Variants in REXO1 observed in about 807,000 individuals in gnomAD.
The protein encoded by REXO1 is RNA exonuclease 1 homolog.
A neutral mutation model predicts 102.6 loss-of-function variants in REXO1; 42 were observed. The observed-to-expected ratio is 0.41, with a 90% CI of 0.32 to 0.53. REXO1 has a LOEUF of 0.53. Among genes scored for constraint, REXO1 ranks in the 20% least tolerant of loss-of-function variants. The probability of loss-of-function intolerance (pLI) is 0.27; values close to 1 mark genes in which losing one functional copy is unlikely to be tolerated. For synonymous variants in REXO1, 908 were observed against 779.1 expected (o/e 1.17, Z -2.76); for missense variants, 1,819 against 1,732.5 (o/e 1.05, Z -0.89).
In REXO1 at chr19:1,827,601, C is replaced by T. The variant is rs868222259; in HGVS notation, c.1188G>A (p.Lys396=). Residue 396 remains lysine (K), a synonymous_variant, in exon 2 of 16, where the codon AAG becomes AAA. Transcript: ENST00000170168. ...APSCKDGAQG[K]DKTKDKGRGR... ...CTCGGCCCTTGTCCTTGGTCTTGTC[C>T]TTCCCCTGGGCCCCGTCTTTGCAGC... 1.9e-6 allele frequency: 3 copies of T among 1,587,158 alleles called. No individual in the cohort carries two copies. The highest frequency in any genetic ancestry group is 1.1e-5 in the South Asian group (1 of 87,668).
rs927762609 is a variant in REXO1, at chr19:1,817,889, G to A, written c.3017-109C>T. ...GCCCTACTAGGGAGTGAGGACTGAGGACAGGAGGCCTCAGCCTCTTGGTGG... is the reference window on the plus strand; with the variant it reads ...GCCCTACTAGGGAGTGAGGACTGAGAACAGGAGGCCTCAGCCTCTTGGTGG... On this transcript the variant is annotated intron_variant, in intron 10 of 15. Coordinates refer to ENST00000170168, the MANE Select transcript of REXO1 (RefSeq NM_020695.4). 8.4e-6 allele frequency: 7 copies of A among 834,204 alleles called. No homozygotes were observed. The African/African-American group carries it at 1.2e-4, about 14-fold the overall frequency. 51.7% of individuals were successfully genotyped at this position (834,204 alleles called of 1,614,324 possible).
intron 1 of REXO1, among the ~76,000 whole-genome samples, 191 bp downstream of exon 1, chr19:1,848,011 G>A (rs1234696101): frequency 6.6e-6 from 1 of 152,242 alleles, no homozygotes; most frequent in Non-Finnish European, 1.5e-5. Flanking sequence ...TGAAGACGAA[G>A]GCTTAGGGAC....
chr19:1,820,231 C>G (rs373390368), intron 6 of REXO1, 33 bp downstream of exon 6: 3 of 1,598,030 alleles, frequency 1.9e-6, no homozygotes, highest in Non-Finnish European at 2.6e-6. Flanking sequence ...TAGTCCCCAC[C>G]CGACCGGCCA....
chr19:1,843,965 G>T (rs548701249), intron 1 of REXO1, among the ~76,000 whole-genome samples: 1 of 152,222 alleles, frequency 6.6e-6, no homozygotes, highest in Non-Finnish European at 1.5e-5. Flanking sequence ...CTCCCTTCTC[G>T]CCTGACTCGG....
Position 1,827,354 on chromosome 19 carries a change from G to A in REXO1, c.1435C>T (p.Leu479=). The A allele has an allele frequency of 6.5e-7, 1 of 1,547,816 alleles. No homozygotes were observed. Residue 479 remains leucine, a synonymous_variant, in exon 2 of 16, where the codon CTG becomes TTG. Transcript: ENST00000170168. ...AGRGPPRPLQ[L]PDRKSTKAPS... ...GCCTTGGTGCTCTTCCTGTCGGGCAGCTGGAGGGGGCGGGGTGGGCCTCTG... is the reference window on the plus strand; with the variant it reads ...GCCTTGGTGCTCTTCCTGTCGGGCAACTGGAGGGGGCGGGGTGGGCCTCTG...
chr19:1,822,678 C>T (rs530404821), intron 4 of REXO1: 8 of 152,490 alleles, frequency 5.2e-5, no homozygotes, highest in African/African-American at 1.4e-4. Flanking sequence ...ATGATTTCCC[C>T]TCCCTGGGGC....
intron 10 of REXO1, among the ~76,000 whole-genome samples, chr19:1,818,019 C>T (rs2069422016): frequency 6.6e-6 from 1 of 152,218 alleles, no homozygotes; most frequent in Non-Finnish European, 1.5e-5. Flanking sequence ...GCAGCGCTGC[C>T]CCGGGCAGCA....
intron 4 of REXO1, chr19:1,822,942 C>G (rs1032463158): frequency 6.6e-6 from 1 of 152,520 alleles, no homozygotes; most frequent in African/African-American, 2.4e-5. Flanking sequence ...AGACCAGAAC[C>G]TGCATTTTTT....
At chr19:1,845,305 G>T (rs1463655147) in intron 1 of REXO1, among the ~76,000 whole-genome samples, 1 of 152,182 alleles carries the variant, frequency 6.6e-6, no homozygotes, top group African/African-American at 2.4e-5. Flanking sequence ...GGGCTACACG[G>T]TGCCCGCCGT....
chr19:1,823,511 C>CT, intron 4 of REXO1, 61 bp downstream of exon 4: 2 of 1,184,272 alleles, frequency 1.7e-6, no homozygotes, highest in Non-Finnish European at 2.2e-6. Flanking sequence ...CCTCAGGGTG[C>CT]CACCTCTCCT....
In REXO1 at chr19:1,816,629, G is replaced by T. The variant is rs892840685; in HGVS notation, c.3318-60C>A. 2.5e-6 allele frequency: 4 copies of T among 1,585,292 alleles called. No individual in the cohort carries two copies. The East Asian group carries it at 6.8e-5, about 27-fold the overall frequency. ...GCCTGGAAGCACTGGCTGGTGGGGC[G>T]GGGGAGGGTGGGTCCCTGGGGAGAG... On this transcript the variant is annotated intron_variant, in intron 13 of 15. Coordinates refer to ENST00000170168, the MANE Select transcript of REXO1 (RefSeq NM_020695.4).
At position 1,815,863 on chromosome 19, in the gene REXO1, G is replaced by A. The variant is rs775767836; in HGVS notation, c.*203C>T. 24 of 1,523,786 alleles carry A rather than the reference G, an allele frequency of 1.6e-5. 2 individuals are homozygous for A. The South Asian group carries it at 2.7e-4, about 17-fold the overall frequency. 94.4% of individuals were successfully genotyped at this position (1,523,786 alleles called of 1,614,324 possible). A position where few individuals can be genotyped will look rare whatever the true frequency, so the allele number is the denominator to read the frequency against. On this transcript the variant is annotated 3_prime_UTR_variant, in exon 16 of 16. Coordinates refer to ENST00000170168, the MANE Select transcript of REXO1 (RefSeq NM_020695.4). This position sits in a 1 kb window ranked among gnomAD's most constrained non-coding sequence, Gnocchi z 4.0. ...ACGCCAGAGGGCTGGGGGGCAGAGG[G>A]TGGGGACCGGCGGAGGGGTGCGGCA... is the stretch of plus-strand genomic sequence containing the variant.
chr19:1,823,643 G>A lies in REXO1; in HGVS notation c.2159C>T (p.Pro720Leu). 7.7e-7 allele frequency: 1 copy of A among 1,305,588 alleles called. No individual in the cohort carries two copies. Among genetic ancestry groups the A allele is most frequent in the East Asian group, 2.9e-5 (1 of 34,236 alleles). 80.9% of individuals were successfully genotyped at this position (1,305,588 alleles called of 1,614,324 possible). ...GCCAGGGGCGGAAATGTGGACGGAG[G>A]GCGACTTCTCTGCCAGCCTGGCGGG... ...QAPARLAEKS[P>L]SVHISAPGEK... The change falls in exon 4 of 16, where the codon CCC (proline) becomes CTC (leucine). Residue 720 changes from proline (P) to leucine (L), a missense_variant. Coordinates refer to ENST00000170168, the MANE Select transcript of REXO1 (RefSeq NM_020695.4).
intron 1 of REXO1, among the ~76,000 whole-genome samples, chr19:1,835,851 C>A (rs868846663): frequency 1.3e-5 from 2 of 152,208 alleles, no homozygotes; most frequent in South Asian, 4.1e-4. Flanking sequence ...GGCTGGCTAT[C>A]TTCCCCAGCC....
rs67853256 is a variant in REXO1, at chr19:1,826,684, G to GGCAACAGGA, written c.1911+185_1911+193dup. ...GCCAGTGACCTCTGGGTGGGTGAGG[G>GGCAACAGGA]GCAACAGGAGCAACAGGGCTGCCCG... On this transcript the variant is annotated intron_variant, in intron 2 of 15. Transcript: ENST00000170168. The surrounding 1 kb of genome is among the most constrained non-coding windows in gnomAD (Gnocchi z 4.3). Among the ~76,000 whole-genome samples, 1 of 151,598 alleles carries GGCAACAGGA rather than the reference G, an allele frequency of 6.6e-6. No individual in the cohort carries two copies. Among genetic ancestry groups the GGCAACAGGA allele is most frequent in the East Asian group, 2.0e-4 (1 of 5,118 alleles).
chr19:1,841,381 T>TGGGGAGGAGG (rs2011269072), intron 1 of REXO1, among the ~76,000 whole-genome samples: 2 of 151,888 alleles, frequency 1.3e-5, no homozygotes, highest in Admixed American at 6.6e-5. Flanking sequence ...ATTCTGAGGG[T>TGGGGAGGAGG]GGGGAGGAGG....
rs2069762216 is a variant in REXO1 at position 1,827,343 on chromosome 19, C to T, written c.1446G>A (p.Arg482=). Residue 482 remains arginine, a synonymous_variant, in exon 2 of 16, where the codon AGG becomes AGA. Transcript: ENST00000170168. ...GPPRPLQLPD[R]KSTKAPSGKL... The stretch of plus-strand genomic sequence containing the variant: ...TCCCCGACGGGGCCTTGGTGCTCTT[C>T]CTGTCGGGCAGCTGGAGGGGGCGGG... The T allele has an allele frequency of 1.7e-5, 27 of 1,551,776 alleles. No homozygotes were observed. Among genetic ancestry groups the T allele is most frequent in the Non-Finnish European group, 2.3e-5 (26 of 1,153,094 alleles).
chr19:1,842,010 A>C (rs2011306524), intron 1 of REXO1, among the ~76,000 whole-genome samples: 1 of 152,162 alleles, frequency 6.6e-6, no homozygotes, highest in Non-Finnish European at 1.5e-5. Context: ...CAGGAGTTCG[A>C]GACCAGCCTG....
At chr19:1,822,785 G>A (rs527425929) in intron 4 of REXO1, 4 of 152,444 alleles carry the variant, frequency 2.6e-5, no homozygotes, top group East Asian at 1.9e-4. Context: ...GGATCTGCAG[G>A]GGAATCGCCG....
Sources: gnomAD v4.1 joint callset for allele counts (sites outside exome capture counted in the v4.1 genomes callset) on GRCh38, gnomAD v4.1.1 for gene constraint, Gnocchi (gnomAD v3.1) non-coding constraint, MANE v1.5 for transcripts, NCBI Gene and HGNC (gene_info 2026-07-23, HGNC 2026-07-21) for gene names.